The following CACNA1E variants were observed in gnomAD, a reference collection of about 807,000 sequenced individuals.
CACNA1E encodes the protein voltage-dependent R-type calcium channel subunit alpha-1E.
Under a neutral mutation model 259.2 loss-of-function variants are expected in CACNA1E, and 40 were observed. The observed-to-expected ratio is 0.15, with a 90% confidence interval of 0.12 to 0.20. The LOEUF is 0.20. CACNA1E is among the 10% of genes least tolerant of loss of function. CACNA1E has a pLI of 1.00. For missense variants in CACNA1E, 1,874 were observed against 3,040.1 expected (o/e 0.62, Z 9.02); for synonymous variants, 1,104 against 1,138.5 (o/e 0.97, Z 0.61).
intron 3 of CACNA1E, among the ~76,000 whole-genome samples, chr1:181,531,319 C>T (rs1336965530): frequency 2.0e-5 from 3 of 152,214 alleles, no homozygotes; most frequent in African/African-American, 4.8e-5. Context: ...CCCCCTTCCT[C>T]TGTGCCCACT....
intron 3 of CACNA1E, among the ~76,000 whole-genome samples, chr1:181,561,075 G>A: frequency 6.6e-6 from 1 of 152,134 alleles, no homozygotes; most frequent in Middle Eastern, 3.2e-3. Flanking sequence ...GGTTGCCAGG[G>A]GGCTAGCAGG....
At chr1:181,564,710 G>T (rs1354295103) in intron 3 of CACNA1E, among the ~76,000 whole-genome samples, 5 of 152,210 alleles carry the variant, frequency 3.3e-5, no homozygotes, top group African/African-American at 1.2e-4. Context: ...ATCTATGGCA[G>T]CTGTAGTCTT....
intron 3 of CACNA1E, among the ~76,000 whole-genome samples, chr1:181,537,095 CTTTTTTTTTT>C (rs201514362): frequency 1.8e-5 from 2 of 112,632 alleles, no homozygotes; most frequent in African/African-American, 7.5e-5. Context: ...TTTTTCTTTT[CTTTTTTTTTT>C]TTTTTTTTTT....
chr1:181,793,195 G>A (rs957342941), intron 44 of CACNA1E, among the ~76,000 whole-genome samples: 1 of 152,136 alleles, frequency 6.6e-6, no homozygotes, highest in African/African-American at 2.4e-5. Context: ...AACTCTTAAC[G>A]TCACGTGTCT....
intron 35 of CACNA1E, among the ~76,000 whole-genome samples, chr1:181,767,575 C>T (rs1659133611): frequency 6.6e-6 from 1 of 152,236 alleles, no homozygotes; most frequent in Non-Finnish European, 1.5e-5. Flanking sequence ...CTTGCTGTGT[C>T]TGCAGCCTTT....
At chr1:181,532,400 G>A (rs1427737101) in intron 3 of CACNA1E, among the ~76,000 whole-genome samples, 4 of 152,208 alleles carry the variant, frequency 2.6e-5, no homozygotes, top group African/African-American at 9.6e-5. Context: ...TGGCCCATAT[G>A]CTGGGGCAGC....
At chr1:181,772,547 A>C (rs1454383640) in intron 37 of CACNA1E, among the ~76,000 whole-genome samples, 1 of 152,224 alleles carries the variant, frequency 6.6e-6, no homozygotes, top group Non-Finnish European at 1.5e-5. Context: ...ATTTAAGTGC[A>C]TTGAGCTTCA....
At position 181,785,789 on chromosome 1, in the gene CACNA1E, C is replaced by T; in HGVS notation, c.5756C>T (p.Pro1919Leu). Residue 1919 changes from proline (P) to leucine (L), a missense_variant, in exon 43 of 48, where the codon CCT becomes CTT. This residue lies in a region of CACNA1E where 542 missense variants were observed against 587.2 expected (regional missense o/e 0.92). Transcript: ENST00000367573. ...ATCATTGCTAATGCCAAAGCCCTGC[C>T]TTACCTCCAGCAGGACCCCGTTTCA... ...QEIIANAKAL[P>L]YLQQDPVSGL... 6.2e-7 allele frequency: 1 copy of T among 1,611,544 alleles called. No individual in the cohort carries two copies. The highest frequency in any genetic ancestry group is 2.2e-5 in the East Asian group (1 of 44,868).
Position 181,804,987 on chromosome 1 carries a change from G to C in CACNA1E, c.*6153G>C, listed in dbSNP as rs1322873544. On this transcript the variant is annotated 3_prime_UTR_variant, in exon 48 of 48. Transcript: ENST00000367573. ...AGAAAGTTGGGTTTTCATGATCTGAGCTTCCTTATGTCTCCTTCTCTTTGT... is the reference window on the plus strand; with the variant it reads ...AGAAAGTTGGGTTTTCATGATCTGACCTTCCTTATGTCTCCTTCTCTTTGT... 1.0e-4 allele frequency: 15 copies of C among 149,114 alleles called. No individual in the cohort carries two copies. Among genetic ancestry groups the C allele is most frequent in the Non-Finnish European group, 2.1e-4 (14 of 67,488 alleles). 9.2% of individuals were successfully genotyped at this position (149,114 alleles called of 1,614,324 possible). A position where few individuals can be genotyped will look rare whatever the true frequency, so the allele number is the denominator to read the frequency against.
Position 181,772,229 on chromosome 1 carries a change from T to C in CACNA1E, c.5137T>C (p.Leu1713=). 2 of 1,613,010 alleles carry C rather than the reference T, an allele frequency of 1.2e-6. No individual in the cohort carries two copies. Among genetic ancestry groups the C allele is most frequent in the Non-Finnish European group, 1.7e-6 (2 of 1,179,300 alleles). Residue 1713 remains leucine, a splice_region_variant and synonymous_variant, in exon 37 of 48, where the codon TTG becomes CTG. Coordinates refer to ENST00000367573, the MANE Select transcript of CACNA1E (RefSeq NM_001205293.3). ...FVSFIFFCSF[L]MLNLFVAVIM... ...CTCCTTCATCTTCTTCTGCTCCTTCTTGGTGAGCAACATTGTGCTTTTGCC... is the reference window on the plus strand; with the variant it reads ...CTCCTTCATCTTCTTCTGCTCCTTCCTGGTGAGCAACATTGTGCTTTTGCC...
At chr1:181,787,227 C>G (rs1381076796) in intron 43 of CACNA1E, among the ~76,000 whole-genome samples, 1 of 152,076 alleles carries the variant, frequency 6.6e-6, no homozygotes. Flanking sequence ...TCATGCCATT[C>G]TCCTGCCTCA....
chr1:181,437,078 T>C (rs561173661), intron 2 of CACNA1E, among the ~76,000 whole-genome samples: 1 of 152,288 alleles, frequency 6.6e-6, no homozygotes, highest in Non-Finnish European at 1.5e-5. Context: ...CGTCAATAAC[T>C]GCATGTTTCT....
At chr1:181,752,307 C>G in intron 27 of CACNA1E, 68 bp downstream of exon 27, 2 of 1,163,056 alleles carry the variant, frequency 1.7e-6, no homozygotes, top group South Asian at 1.2e-5. Context: ...CCATGGCTGG[C>G]CTGCCTTTGG....
intron 2 of CACNA1E, among the ~76,000 whole-genome samples, chr1:181,454,285 A>G (rs1171136557): frequency 6.6e-6 from 1 of 152,218 alleles, no homozygotes; most frequent in Non-Finnish European, 1.5e-5. Flanking sequence ...CCCGCTCCCC[A>G]GAGCCTCCAG....
At chr1:181,718,010 C>A in intron 11 of CACNA1E, 45 bp from the exon 12 acceptor site, 3 of 937,212 alleles carry the variant, frequency 3.2e-6, no homozygotes, top group Non-Finnish European at 5.2e-6. Flanking sequence ...AGTGCATGAG[C>A]CCACCCCACA....
At chr1:181,655,116 A>T (rs1420317298) in intron 7 of CACNA1E, among the ~76,000 whole-genome samples, 1 of 152,150 alleles carries the variant, frequency 6.6e-6, no homozygotes, top group Non-Finnish European at 1.5e-5. Flanking sequence ...GTGAAAATAC[A>T]TTCAAATCAA....
chr1:181,354,381 C>T (rs766796952), intron 1 of CACNA1E, among the ~76,000 whole-genome samples: 4 of 152,154 alleles, frequency 2.6e-5, no homozygotes, highest in Non-Finnish European at 4.4e-5. Flanking sequence ...CAAGGAGTGG[C>T]AGGAAGGACT....
intron 12 of CACNA1E, among the ~76,000 whole-genome samples, chr1:181,718,770 C>T (rs1450180365): frequency 6.6e-6 from 1 of 152,120 alleles, no homozygotes; most frequent in Non-Finnish European, 1.5e-5. Flanking sequence ...CTTCAAGGTG[C>T]TTTCACGTAT....
At chr1:181,432,664 G>T (rs1659802378) in intron 2 of CACNA1E, among the ~76,000 whole-genome samples, 1 of 152,136 alleles carries the variant, frequency 6.6e-6, no homozygotes, top group South Asian at 2.1e-4. Flanking sequence ...AACAGGATTG[G>T]ATAGGGTGGT....
Sources: gnomAD v4.1 joint callset for allele counts (sites outside exome capture counted in the v4.1 genomes callset) on GRCh38, gnomAD v4.1.1 for gene constraint, gnomAD v4.1.1 regional missense constraint, MANE v1.5 for transcripts, NCBI Gene and HGNC (gene_info 2026-07-23, HGNC 2026-07-21) for gene names.